The following TJP1 variants were observed in gnomAD, a reference collection of about 807,000 sequenced individuals.
The protein encoded by TJP1 is tight junction protein ZO-1.
TJP1 carries 43 observed loss-of-function variants against 194.2 expected under a neutral mutation model. The ratio of observed to expected loss-of-function variants is 0.22; its 90% CI spans 0.17 to 0.29. The LOEUF (loss-of-function observed/expected upper bound fraction) is 0.29. TJP1 is among the 10% of genes least tolerant of loss of function. The pLI is 1.00. For missense variants in TJP1, 1,971 were observed against 2,185.7 expected (o/e 0.90, Z 1.96); for synonymous variants, 801 against 779.0 (o/e 1.03, Z -0.47).
intron 23 of TJP1, among the ~76,000 whole-genome samples, chr15:29,712,764 A>G (rs1375516899): frequency 1.3e-5 from 2 of 151,956 alleles, no homozygotes; most frequent in African/African-American, 4.8e-5. Context: ...GTGGTGATCA[A>G]GGATAATTAG....
chr15:29,872,357 A>G (rs1219171904), intron 2 of TJP1, among the ~76,000 whole-genome samples: 1 of 152,232 alleles, frequency 6.6e-6, no homozygotes, highest in Non-Finnish European at 1.5e-5. Context: ...TCAAATTCAA[A>G]TTTAAAACAA....
chr15:29,817,418 G>A (rs565504101), intron 1 of TJP1, among the ~76,000 whole-genome samples: 8 of 152,292 alleles, frequency 5.3e-5, no homozygotes, highest in African/African-American at 1.7e-4. Context: ...GTGGAAGATA[G>A]TATGGCAATT....
intron 2 of TJP1, among the ~76,000 whole-genome samples, chr15:29,910,857 G>A (rs766621793): frequency 6.6e-6 from 1 of 152,328 alleles, no homozygotes; most frequent in African/African-American, 2.4e-5. Context: ...CTAAAAGAGA[G>A]TGACAGATTA....
intron 2 of TJP1, among the ~76,000 whole-genome samples, chr15:29,880,299 A>G (rs1318404661): frequency 2.0e-5 from 3 of 152,208 alleles, no homozygotes; most frequent in Non-Finnish European, 2.9e-5. Flanking sequence ...CTGAGGTAAA[A>G]TTGATATACA....
At position 29,721,974 on chromosome 15, in the gene TJP1, C is replaced by T. The variant is rs550841631; in HGVS notation, c.2413-1266G>A. ...TCTGAATAGCAAAGCATTCAAGATG[C>T]GACCTGGCTGCTTCTAACAGCATGT... On this transcript the variant is annotated intron_variant, in intron 18 of 27. Coordinates refer to ENST00000614355, the MANE Select transcript of TJP1 (RefSeq NM_001330239.4). 4.0e-4 allele frequency among the ~76,000 whole-genome samples: 61 copies of T among 152,320 alleles called. 1 individual carries two copies. The Middle Eastern group carries it at 0.01, about 25-fold the overall frequency.
intron 2 of TJP1, among the ~76,000 whole-genome samples, chr15:29,941,124 A>AACTCTACTT (rs2055059008): frequency 6.6e-6 from 1 of 152,170 alleles, no homozygotes; most frequent in South Asian, 2.1e-4. Flanking sequence ...ATAAAAGATG[A>AACTCTACTT]ACTCTACTTC....
At chr15:29,781,472 G>A (rs2047367450) in intron 2 of TJP1, among the ~76,000 whole-genome samples, 1 of 152,098 alleles carries the variant, frequency 6.6e-6, no homozygotes, top group African/African-American at 2.4e-5. Context: ...ATTCTATGAG[G>A]TCAGCATCAT....
At chr15:29,826,724 C>T (rs568284409), upstream of TJP1, among the ~76,000 whole-genome samples, 5 of 152,266 alleles carry the variant, frequency 3.3e-5, no homozygotes, top group East Asian at 1.9e-4. Flanking sequence ...TAGTGTTTCC[C>T]ATCTTAAACA....
chr15:29,839,374 G>C (rs2051147448), intron 2 of TJP1, among the ~76,000 whole-genome samples: 2 of 152,142 alleles, frequency 1.3e-5, no homozygotes, highest in Admixed American at 1.3e-4. Context: ...GGGTACAGTA[G>C]CTCATGCCTG....
chr15:29,776,027 A>C (rs538573156), intron 2 of TJP1, among the ~76,000 whole-genome samples: 4 of 152,144 alleles, frequency 2.6e-5, no homozygotes, highest in Non-Finnish European at 5.9e-5. Flanking sequence ...AAAGCTTCTA[A>C]ATTCTTTTTA....
intron 25 of TJP1, among the ~76,000 whole-genome samples, chr15:29,706,818 C>A (rs1429141017): frequency 6.6e-6 from 1 of 152,092 alleles, no homozygotes; most frequent in African/African-American, 2.4e-5. Flanking sequence ...TGCCACCATG[C>A]CCGGCTAATT....
chr15:29,890,895 T>C (rs1013136055), intron 2 of TJP1, among the ~76,000 whole-genome samples: 1 of 152,152 alleles, frequency 6.6e-6, no homozygotes, highest in Non-Finnish European at 1.5e-5. Context: ...CTTGTTCCAG[T>C]GCAGCCCGGT....
chr15:29,699,877 G>A (rs191674609), downstream of TJP1: 86 of 175,506 alleles, frequency 4.9e-4, no homozygotes, highest in Admixed American at 7.5e-4. Context: ...GTTTCTCCAC[G>A]CAGGGGTGTG....
chr15:29,961,497 C>T (rs564805886), intron 1 of TJP1, among the ~76,000 whole-genome samples: 7 of 152,232 alleles, frequency 4.6e-5, no homozygotes, highest in Admixed American at 2.0e-4. Flanking sequence ...ATTCTTAATT[C>T]CATTTTATCC....
Position 29,928,759 on chromosome 15 carries a change from C to T in TJP1, c.306+27473G>A, listed in dbSNP as rs181268334. The stretch of plus-strand genomic sequence containing the variant: ...GAGATCGAGACCATCCTGGCTAACA[C>T]GGTGAAACCCCGTCTCTACTAAAAA... On this transcript the variant is annotated intron_variant, in intron 2 of 28. Transcript: ENST00000356107. 1.6e-3 allele frequency among the ~76,000 whole-genome samples: 238 copies of T among 152,098 alleles called. 7 individuals are homozygous for T. In the East Asian group the frequency reaches 0.036, roughly 23 times the overall value.
chr15:29,733,586 T>C (rs1308604341), intron 12 of TJP1, among the ~76,000 whole-genome samples: 2 of 152,236 alleles, frequency 1.3e-5, no homozygotes, highest in Non-Finnish European at 2.9e-5. Flanking sequence ...ATCTAACTTA[T>C]CTGCAAACAT....
intron 2 of TJP1, among the ~76,000 whole-genome samples, chr15:29,791,547 A>G (rs1416140369): frequency 6.7e-6 from 1 of 149,478 alleles, no homozygotes; most frequent in Non-Finnish European, 1.5e-5. Flanking sequence ...CAGCCTCGCG[A>G]GTAGCTGGGA....
At chr15:29,736,333 G>C (rs2044032907) in intron 11 of TJP1, among the ~76,000 whole-genome samples, 1 of 152,186 alleles carries the variant, frequency 6.6e-6, no homozygotes, top group Non-Finnish European at 1.5e-5. Flanking sequence ...GATAGATGAA[G>C]AACCAGTGGA....
intron 1 of TJP1, among the ~76,000 whole-genome samples, chr15:29,815,063 A>G (rs1207922812): frequency 1.3e-5 from 2 of 152,202 alleles, no homozygotes; most frequent in Non-Finnish European, 2.9e-5. Flanking sequence ...CTTAGGATAT[A>G]AGATAAAACT....
Sources: allele counts gnomAD v4.1 joint callset (sites outside exome capture counted in the v4.1 genomes callset), GRCh38; gene constraint gnomAD v4.1.1; transcripts MANE v1.5; gene names NCBI Gene and HGNC (gene_info 2026-07-23, HGNC 2026-07-21).